The following TRAPPC8 variants were observed in gnomAD, a reference collection of about 807,000 sequenced individuals.
TRAPPC8 encodes trafficking protein particle complex subunit 8.
A neutral mutation model predicts 174.3 loss-of-function variants in TRAPPC8; 54 were observed. That is an observed-to-expected ratio of 0.31 (90% CI 0.25 to 0.39). The LOEUF (loss-of-function observed/expected upper bound fraction) is 0.39, where lower values mean the gene tolerates loss of function less well. Ranked by LOEUF, TRAPPC8 falls within the 10% of genes least tolerant of loss-of-function variation. The pLI is 1.00. For missense variants in TRAPPC8, 1,531 were observed against 1,699.1 expected (o/e 0.90, Z 1.74); for synonymous variants, 630 against 579.9 (o/e 1.09, Z -1.24).
At chr18:31,924,197 A>C (rs577613717) in intron 2 of TRAPPC8, among the ~76,000 whole-genome samples, 1 of 152,142 alleles carries the variant, frequency 6.6e-6, no homozygotes, top group East Asian at 1.9e-4. Flanking sequence ...AGGCAGGAGA[A>C]TTGCTTGAAC....
At chr18:31,868,911 T>G (rs892920389) in intron 16 of TRAPPC8, among the ~76,000 whole-genome samples, 12 of 151,888 alleles carry the variant, frequency 7.9e-5, no homozygotes, top group African/African-American at 1.2e-4. Flanking sequence ...CTATGTTGCC[T>G]AGGCTAGAGC....
chr18:31,889,222 G>A (rs1388079900), intron 12 of TRAPPC8, among the ~76,000 whole-genome samples: 1 of 152,164 alleles, frequency 6.6e-6, no homozygotes, highest in Admixed American at 6.5e-5. Flanking sequence ...TACAGTAAGA[G>A]GTGATTACGA....
intron 5 of TRAPPC8, among the ~76,000 whole-genome samples, chr18:31,912,135 G>A (rs1164482720): frequency 6.6e-6 from 1 of 152,052 alleles, no homozygotes; most frequent in Non-Finnish European, 1.5e-5. Flanking sequence ...AAAGTTGGAG[G>A]GAAATGCCCA....
chr18:31,843,456 ATATT>A lies in TRAPPC8; in HGVS notation c.3837+3256_3837+3259del, dbSNP rs2033217321. On this transcript the variant is annotated intron_variant, in intron 26 of 28. Transcript: ENST00000283351. ...AATAATTTTGTGCACAGCATTCCCT[ATATT>A]TATTCTTTATAAGGCAGAACAAAAA... Among the ~76,000 whole-genome samples, 4 of 152,220 alleles carry A rather than the reference ATATT, an allele frequency of 2.6e-5. 2 individuals carry two copies. In the South Asian group the frequency reaches 8.3e-4, roughly 32 times the overall value.
At chr18:31,888,751 G>A (rs2035831363) in intron 12 of TRAPPC8, among the ~76,000 whole-genome samples, 1 of 152,084 alleles carries the variant, frequency 6.6e-6, no homozygotes, top group Non-Finnish European at 1.5e-5. Flanking sequence ...CACACACTGG[G>A]GCCTGTTGAG....
intron 9 of TRAPPC8, among the ~76,000 whole-genome samples, chr18:31,903,454 T>C (rs1383193142): frequency 1.3e-5 from 2 of 152,216 alleles, no homozygotes; most frequent in African/African-American, 4.8e-5. Flanking sequence ...CAGATTAGCC[T>C]AGCTTAAGAT....
chr18:31,883,334 C>G (rs1044083049), intron 12 of TRAPPC8: 1 of 152,036 alleles, frequency 6.6e-6, no homozygotes, highest in East Asian at 1.9e-4. Flanking sequence ...TTGATGCTGA[C>G]CAAACACACT....
intron 18 of TRAPPC8, 35 bp from the exon 19 acceptor site, chr18:31,864,816 T>C (rs200697017): frequency 7.6e-6 from 12 of 1,574,890 alleles, no homozygotes; most frequent in African/African-American, 1.4e-5. Flanking sequence ...CTAAAATAAT[T>C]TGGTATGTTA....
In TRAPPC8 at chr18:31,907,549, G is replaced by A; in HGVS notation, c.1300C>T (p.Gln434Ter). ...RKMADLCFLVQHYDLAYSCYH... is the reference protein window; with the variant it reads ...RKMADLCFLV ...CAACTGTAAGCCAAATCATAATGCT[G>A]CACCAAAAAACATAAGTCAGCCATT... is the stretch of plus-strand genomic sequence containing the variant. The change falls in exon 9 of 29, where the codon CAG (glutamine) becomes TAG (stop). Residue 434 changes from glutamine (Q) to a stop codon, truncating the protein, a stop_gained. Transcript: ENST00000283351. LOFTEE classifies it high-confidence loss of function. 1 of 1,611,104 alleles carries A rather than the reference G, an allele frequency of 6.2e-7. No individual in the cohort carries two copies. Among genetic ancestry groups the A allele is most frequent in the Non-Finnish European group, 8.5e-7 (1 of 1,178,284 alleles).
intron 16 of TRAPPC8, among the ~76,000 whole-genome samples, chr18:31,868,909 C>T (rs1224273911): frequency 6.6e-6 from 1 of 151,852 alleles, no homozygotes; most frequent in East Asian, 1.9e-4. Context: ...CACTATGTTG[C>T]CTAGGCTAGA....
chr18:31,897,734 T>TA (rs74954001), intron 11 of TRAPPC8, 52 bp downstream of exon 11: 2,975 of 1,175,910 alleles, frequency 2.5e-3, no homozygotes, highest in Non-Finnish European at 2.8e-3. Context: ...TACATCTTTT[T>TA]AAAAAAAAAA....
intron 5 of TRAPPC8, among the ~76,000 whole-genome samples, chr18:31,913,065 T>C (rs1010205577): frequency 3.3e-5 from 5 of 150,914 alleles, no homozygotes; most frequent in African/African-American, 1.2e-4. Flanking sequence ...GAGGCGGAGG[T>C]TGCAGTGAGC....
intron 19 of TRAPPC8, among the ~76,000 whole-genome samples, chr18:31,861,085 C>A (rs995554091): frequency 6.6e-6 from 1 of 152,144 alleles, no homozygotes; most frequent in African/African-American, 2.4e-5. Flanking sequence ...TATCAGGAAA[C>A]CCATACCAGC....
intron 1 of TRAPPC8, among the ~76,000 whole-genome samples, chr18:31,941,735 C>T (rs973475291): frequency 2.0e-5 from 3 of 152,144 alleles, no homozygotes; most frequent in African/African-American, 7.2e-5. Flanking sequence ...GTTTGCCTGA[C>T]ACAGGCTTAT....
chr18:31,830,811 A>G lies in TRAPPC8; in HGVS notation c.4252T>C (p.Phe1418Leu), dbSNP rs1598569675. The G allele has an allele frequency of 6.2e-7, 1 of 1,614,164 alleles. No individual in the cohort carries two copies. The highest frequency in any genetic ancestry group is 8.5e-7 in the Non-Finnish European group (1 of 1,180,020). ...FAKLSDQVTV[F>L]ETSQQNSMPA... ...ATGGAATTCTGCTGACTTGTTTCAA[A>G]CACTGTAACTTGGTCCGATAACTTG... Residue 1418 changes from phenylalanine (F) to leucine (L), a missense_variant, in exon 29 of 29, where the codon TTT becomes CTT. Coordinates refer to ENST00000283351, the MANE Select transcript of TRAPPC8 (RefSeq NM_014939.5).
intron 12 of TRAPPC8, among the ~76,000 whole-genome samples, chr18:31,889,465 T>C (rs974313639): frequency 1.3e-5 from 2 of 152,186 alleles, no homozygotes; most frequent in Non-Finnish European, 2.9e-5. Context: ...TAATGGGACA[T>C]ATATTTTCTT....
chr18:31,913,929 G>A (rs966105861), intron 4 of TRAPPC8, among the ~76,000 whole-genome samples: 2 of 151,948 alleles, frequency 1.3e-5, no homozygotes, highest in Non-Finnish European at 2.9e-5. Context: ...ACTTTGGAAG[G>A]CCAAGGTGGG....
chr18:31,933,066 C>A (rs1052835367), intron 1 of TRAPPC8, among the ~76,000 whole-genome samples: 4 of 146,132 alleles, frequency 2.7e-5, no homozygotes, highest in Non-Finnish European at 4.5e-5. Flanking sequence ...CTTTGGGAGG[C>A]CAAGGCGGGC....
At chr18:31,873,055 T>A (rs1432032373) in intron 14 of TRAPPC8, among the ~76,000 whole-genome samples, 1 of 137,936 alleles carries the variant, frequency 7.2e-6, no homozygotes, top group Non-Finnish European at 1.5e-5. Context: ...TTTCACTCTG[T>A]CGCCCAGGCT....
Sources: allele counts gnomAD v4.1 joint callset (sites outside exome capture counted in the v4.1 genomes callset), GRCh38; gene constraint gnomAD v4.1.1; transcripts MANE v1.5; gene names NCBI Gene and HGNC (gene_info 2026-07-23, HGNC 2026-07-21).